Variants in PALLD observed in about 807,000 individuals in gnomAD.
PALLD encodes the protein palladin, cytoskeletal associated protein.
A neutral mutation model predicts 123.5 loss-of-function variants in PALLD; 61 were observed. The observed-to-expected ratio is 0.49, with a 90% CI of 0.40 to 0.61. The LOEUF is 0.61. Among genes scored for constraint, PALLD ranks in the 20% least tolerant of loss-of-function variants. PALLD has a pLI of 0.00. For synonymous variants in PALLD, 465 were observed against 496.4 expected, an observed-to-expected ratio of 0.94 and a Z score of 0.84; for missense variants, 1,273 against 1,377.0, an observed-to-expected ratio of 0.92 and a Z score of 1.20.
Position 168,711,872 on chromosome 4 carries a change from T to C in PALLD, c.1913T>C (p.Val638Ala). ...AATAAATCTCTTCCAACACCAGCTG[T>C]CCTGCTTTCACCCACTAAGGAGCCA... ...NSNKSLPTPAVLLSPTKEPPP... is the reference protein window; with the variant it reads ...NSNKSLPTPAALLSPTKEPPP... Residue 638 changes from valine (V) to alanine (A), a missense_variant, in exon 10 of 22, where the codon GTC becomes GCC. Val to Ala is a moderately conservative substitution (Grantham distance 64). Coordinates refer to ENST00000505667, the MANE Select transcript of PALLD (RefSeq NM_001166108.2). 6.2e-7 allele frequency: 1 copy of C among 1,614,134 alleles called. No homozygotes were observed. The highest frequency in any genetic ancestry group is 8.5e-7 in the Non-Finnish European group (1 of 1,180,016).
intron 10 of PALLD, among the ~76,000 whole-genome samples, chr4:168,813,656 C>A (rs973655279): frequency 6.6e-6 from 1 of 152,158 alleles, no homozygotes; most frequent in Non-Finnish European, 1.5e-5. Context: ...TTGGGGGTCT[C>A]ACTGTGTTGC....
At chr4:168,759,751 G>A (rs985061675) in intron 10 of PALLD, among the ~76,000 whole-genome samples, 2 of 152,178 alleles carry the variant, frequency 1.3e-5, no homozygotes, top group African/African-American at 4.8e-5. Context: ...GAATGCCACT[G>A]ACACTAGAAT....
intron 10 of PALLD, among the ~76,000 whole-genome samples, chr4:168,841,516 T>G (rs1205560433): frequency 2.0e-5 from 3 of 152,230 alleles, no homozygotes; most frequent in Non-Finnish European, 4.4e-5. Context: ...TTTCTACAAC[T>G]TGGCCAGCTG....
At chr4:168,916,104 G>A (rs576733987) in intron 17 of PALLD, 77 bp downstream of exon 17, 231 of 1,378,952 alleles carry the variant, frequency 1.7e-4, no homozygotes, top group Non-Finnish European at 2.1e-4. Context: ...GTTCCTTTTG[G>A]GGAAATTACA....
chr4:168,586,174 AAAAAG>A (rs1359398236), intron 2 of PALLD, among the ~76,000 whole-genome samples: 2 of 151,022 alleles, frequency 1.3e-5, no homozygotes, highest in African/African-American at 4.9e-5. Context: ...AAAAAAAAAA[AAAAAG>A]GCTTTCTAAG....
In PALLD at chr4:168,878,245, G is replaced by A. The variant is rs1453954870; in HGVS notation, c.1965-12677G>A. The A allele has an allele frequency of 2.4e-5, 35 of 1,461,998 alleles. No homozygotes were observed. The highest frequency in any genetic ancestry group is 3.0e-5 in the Non-Finnish European group (33 of 1,106,890). The allele number at this position is 1,461,998 out of a possible 1,614,324, so 90.6% of individuals were successfully genotyped here. ...TGCCGCCGCCACCACCGCCGCTCCC[G>A]AGCCCGGGACAGGCGTCCCACTGCT... On this transcript the variant is annotated intron_variant, in intron 10 of 21. Transcript: ENST00000505667.
At chr4:168,685,659 G>T (rs915488509) in intron 6 of PALLD, 100 bp downstream of exon 6, 3 of 821,148 alleles carry the variant, frequency 3.7e-6, no homozygotes, top group Non-Finnish European at 6.5e-6. Flanking sequence ...AAAAGGAACA[G>T]ATTAGTAGGC....
chr4:168,709,701 C>G (rs1447349030), intron 9 of PALLD, among the ~76,000 whole-genome samples: 1 of 151,462 alleles, frequency 6.6e-6, no homozygotes, highest in African/African-American at 2.4e-5. Flanking sequence ...CTTCAGGAAT[C>G]TGGCCACTCC....
intron 10 of PALLD, among the ~76,000 whole-genome samples, chr4:168,886,453 G>T (rs1363761141): frequency 6.6e-6 from 1 of 151,964 alleles, no homozygotes; most frequent in African/African-American, 2.4e-5. Context: ...ACCAGCCTGG[G>T]CAACATAGGG....
chr4:168,693,543 T>C (rs1241307230), intron 8 of PALLD, among the ~76,000 whole-genome samples: 8 of 152,230 alleles, frequency 5.3e-5, no homozygotes, highest in Non-Finnish European at 7.3e-5. Flanking sequence ...CTCTTTGTGT[T>C]CACTGAATTT....
chr4:168,815,920 ACT>A (rs1741845584), intron 10 of PALLD, among the ~76,000 whole-genome samples: 1 of 152,132 alleles, frequency 6.6e-6, no homozygotes, highest in Non-Finnish European at 1.5e-5. Flanking sequence ...AAAATCGCTC[ACT>A]CTTAATTTTT....
intron 2 of PALLD, among the ~76,000 whole-genome samples, chr4:168,568,271 A>T (rs1330092761): frequency 6.6e-6 from 1 of 152,106 alleles, no homozygotes; most frequent in Non-Finnish European, 1.5e-5. Flanking sequence ...ATTTTTAGAA[A>T]TTCTATAGCA....
In PALLD at chr4:168,825,388, T is replaced by C. The variant is rs375210110; in HGVS notation, c.1965-65534T>C. ...GATTCTCTTAGTAGTTGGATATCTT[T>C]GTTAGAAAACCTTTAACTTCAGCAC... On this transcript the variant is annotated intron_variant, in intron 10 of 21. Coordinates refer to ENST00000505667, the MANE Select transcript of PALLD (RefSeq NM_001166108.2). Among the ~76,000 whole-genome samples the C allele has an allele frequency of 3.3e-5, 5 of 152,350 alleles. No individual in the cohort carries two copies. In the South Asian group the frequency reaches 1.0e-3, roughly 32 times the overall value.
chr4:168,628,321 G>A (rs1207430532), intron 2 of PALLD, among the ~76,000 whole-genome samples: 3 of 152,174 alleles, frequency 2.0e-5, no homozygotes, highest in African/African-American at 7.2e-5. Context: ...AAGTCTCATC[G>A]TGTCCGTCCT....
At chr4:168,728,458 G>T (rs1046187414) in intron 10 of PALLD, among the ~76,000 whole-genome samples, 12 of 151,996 alleles carry the variant, frequency 7.9e-5, no homozygotes, top group South Asian at 2.1e-4. Flanking sequence ...TATTTTCTTT[G>T]TGAATATTGT....
chr4:168,822,421 G>A (rs948020897), intron 10 of PALLD, among the ~76,000 whole-genome samples: 3 of 152,152 alleles, frequency 2.0e-5, no homozygotes, highest in African/African-American at 4.8e-5. Context: ...TGATCAATGG[G>A]AAGCTCTGGG....
intron 3 of PALLD, among the ~76,000 whole-genome samples, chr4:168,676,309 G>A (rs2150056063): frequency 6.6e-6 from 1 of 151,634 alleles, no homozygotes; most frequent in South Asian, 2.1e-4. Flanking sequence ...CATTGCTTCG[G>A]TTACTCTGAT....
At chr4:168,804,352 G>A (rs1739821814) in intron 10 of PALLD, among the ~76,000 whole-genome samples, 1 of 152,256 alleles carries the variant, frequency 6.6e-6, no homozygotes, top group South Asian at 2.1e-4. Flanking sequence ...GTGAGAGCCA[G>A]AGGCCAGTCA....
intron 2 of PALLD, among the ~76,000 whole-genome samples, chr4:168,561,782 T>C (rs984811159): frequency 6.6e-6 from 1 of 152,200 alleles, no homozygotes; most frequent in African/African-American, 2.4e-5. Flanking sequence ...TTCCCATCCA[T>C]TGATATTCGG....
Sources: gnomAD v4.1 joint callset for allele counts (sites outside exome capture counted in the v4.1 genomes callset) on GRCh38, gnomAD v4.1.1 for gene constraint, MANE v1.5 for transcripts, NCBI Gene and HGNC (gene_info 2026-07-23, HGNC 2026-07-21) for gene names.